The following KCNIP4 variants were observed in gnomAD, a reference collection of about 807,000 sequenced individuals.
The protein encoded by KCNIP4 is Kv channel-interacting protein 4.
A neutral mutation model predicts 34.0 loss-of-function variants in KCNIP4; 12 were observed. The observed-to-expected ratio is 0.35, with a 90% CI of 0.23 to 0.57. The LOEUF (loss-of-function observed/expected upper bound fraction) is 0.57, where lower values mean the gene tolerates loss of function less well. Ranked by LOEUF, KCNIP4 falls within the 20% of genes least tolerant of loss-of-function variation. The pLI, the probability that KCNIP4 is intolerant of heterozygous loss-of-function variation, is 0.83. For missense variants in KCNIP4, 238 were observed against 311.7 expected (o/e 0.76, Z 1.78); for synonymous variants, 124 against 102.2 (o/e 1.21, Z -1.29).
intron 1 of KCNIP4, among the ~76,000 whole-genome samples, chr4:21,317,546 A>G (rs1713903233): frequency 6.6e-6 from 1 of 152,214 alleles, no homozygotes; most frequent in African/African-American, 2.4e-5. Flanking sequence ...TATTATACAT[A>G]TAAGGTGACA....
intron 1 of KCNIP4, among the ~76,000 whole-genome samples, chr4:21,238,868 G>GAA (rs373765366): frequency 2.0e-5 from 3 of 151,826 alleles, no homozygotes; most frequent in Non-Finnish European, 4.4e-5. Context: ...CACAGAATTG[G>GAA]AAAAAAACTA....
chr4:21,664,441 A>G (rs1748687290), intron 1 of KCNIP4, among the ~76,000 whole-genome samples: 1 of 152,334 alleles, frequency 6.6e-6, no homozygotes, highest in Admixed American at 6.5e-5. Context: ...GAACCAGAGA[A>G]AGCAATTATT....
Position 21,059,028 on chromosome 4 carries a change from G to T in KCNIP4, c.62-176319C>A, listed in dbSNP as rs145770566. Among the ~76,000 whole-genome samples the T allele has an allele frequency of 3.1e-3, 472 of 152,164 alleles. 2 individuals carry two copies. Among genetic ancestry groups the T allele is most frequent in the African/African-American group, 0.011 (449 of 41,526 alleles). On this transcript the variant is annotated intron_variant, in intron 1 of 8. Coordinates refer to ENST00000382152, the MANE Select transcript of KCNIP4 (RefSeq NM_025221.6). ...GAAGGGGAATTCCCCTGCACACACT[G>T]TCTTGCCTGCTGCCATGTAAGACGT...
At chr4:21,375,316 A>G (rs1413200391) in intron 1 of KCNIP4, among the ~76,000 whole-genome samples, 2 of 152,248 alleles carry the variant, frequency 1.3e-5, no homozygotes, top group East Asian at 3.9e-4. Context: ...TGTAGAATAA[A>G]AACAGCCTGG....
At chr4:21,320,192 C>G (rs985871204) in intron 1 of KCNIP4, among the ~76,000 whole-genome samples, 3 of 152,222 alleles carry the variant, frequency 2.0e-5, no homozygotes, top group Admixed American at 6.5e-5. Flanking sequence ...ACAATTTCAT[C>G]TGATAAGCAA....
chr4:21,938,215 C>T (rs1311563415), intron 1 of KCNIP4, among the ~76,000 whole-genome samples: 4 of 152,096 alleles, frequency 2.6e-5, no homozygotes, highest in Non-Finnish European at 4.4e-5. Context: ...ACGACTATCC[C>T]ACTTGCGTAG....
At chr4:21,388,175 A>C (rs1342957763) in intron 1 of KCNIP4, among the ~76,000 whole-genome samples, 1 of 151,998 alleles carries the variant, frequency 6.6e-6, no homozygotes, top group Admixed American at 6.6e-5. Context: ...TAGCTGAGTA[A>C]ATTATAACGG....
intron 1 of KCNIP4, among the ~76,000 whole-genome samples, chr4:20,981,160 T>C (rs764578443): frequency 6.6e-6 from 1 of 152,170 alleles, no homozygotes; most frequent in Non-Finnish European, 1.5e-5. Context: ...TTCATCATGA[T>C]TGAATGTAAG....
At chr4:21,132,161 A>C (rs1455175015) in intron 1 of KCNIP4, among the ~76,000 whole-genome samples, 1 of 152,248 alleles carries the variant, frequency 6.6e-6, no homozygotes, top group Non-Finnish European at 1.5e-5. Flanking sequence ...TCTTCCATGC[A>C]AAATGTTTAT....
At chr4:21,370,572 C>T (rs1311224593) in intron 1 of KCNIP4, among the ~76,000 whole-genome samples, 1 of 143,254 alleles carries the variant, frequency 7.0e-6, no homozygotes, top group Non-Finnish European at 1.5e-5. Context: ...GCAGAGAAGA[C>T]ATCAAAGTAG....
At chr4:21,803,104 T>C (rs753301294) in intron 1 of KCNIP4, among the ~76,000 whole-genome samples, 15 of 152,140 alleles carry the variant, frequency 9.9e-5, no homozygotes, top group Admixed American at 4.6e-4. Flanking sequence ...ACAGACAAAG[T>C]GAATTTTAGT....
Position 21,519,567 on chromosome 4 carries a change from T to C in KCNIP4, c.61+429004A>G. 2.9e-5 allele frequency among the ~76,000 whole-genome samples: 2 copies of C among 69,366 alleles called. 1 individual carries two copies. Among genetic ancestry groups the C allele is most frequent in the South Asian group, 9.2e-4 (2 of 2,180 alleles). The allele number at this position is 69,366 out of a possible 152,430, so 45.5% of individuals were successfully genotyped here. On this transcript the variant is annotated intron_variant, in intron 1 of 8. Coordinates refer to ENST00000382152, the MANE Select transcript of KCNIP4 (RefSeq NM_025221.6). ...ATACACATATGTGTGTATGTGTATATATACACATATGTGTGTGTATGTATG... is the reference window on the plus strand; with the variant it reads ...ATACACATATGTGTGTATGTGTATACATACACATATGTGTGTGTATGTATG...
chr4:21,902,315 T>C (rs1727748578), intron 1 of KCNIP4, among the ~76,000 whole-genome samples: 1 of 152,180 alleles, frequency 6.6e-6, no homozygotes, highest in Admixed American at 6.6e-5. Context: ...CATAAAGTTA[T>C]CCTGGATATA....
chr4:21,899,982 A>T (rs1263609889), intron 1 of KCNIP4, among the ~76,000 whole-genome samples: 1 of 152,146 alleles, frequency 6.6e-6, no homozygotes, highest in African/African-American at 2.4e-5. Flanking sequence ...ATTAAAAAAA[A>T]AACTGGAGGA....
intron 1 of KCNIP4, among the ~76,000 whole-genome samples, chr4:21,896,233 C>T (rs2109411744): frequency 6.6e-6 from 1 of 152,256 alleles, no homozygotes; most frequent in Admixed American, 6.5e-5. Context: ...TCACCACTCT[C>T]TTAGAATGTA....
chr4:20,912,090 A>G (rs12641332), intron 1 of KCNIP4, among the ~76,000 whole-genome samples: 6,921 of 152,264 alleles, frequency 0.045, 351 homozygotes, highest in African/African-American at 0.13. Flanking sequence ...TAAGGCCTTC[A>G]TAATCTTGCA....
intron 1 of KCNIP4, among the ~76,000 whole-genome samples, chr4:21,356,619 G>T (rs920170391): frequency 5.9e-5 from 9 of 152,040 alleles, no homozygotes; most frequent in African/African-American, 2.2e-4. Flanking sequence ...GGGATGTGAA[G>T]GACCTCTTCA....
intron 1 of KCNIP4, among the ~76,000 whole-genome samples, chr4:21,493,150 T>C (rs906550711): frequency 6.6e-6 from 1 of 150,902 alleles, no homozygotes; most frequent in African/African-American, 2.4e-5. Context: ...CATGGGGCCA[T>C]CTGTAGTGCA....
At chr4:21,827,209 A>G (rs994587255) in intron 1 of KCNIP4, among the ~76,000 whole-genome samples, 5 of 152,082 alleles carry the variant, frequency 3.3e-5, no homozygotes, top group South Asian at 2.1e-4. Context: ...ATAGGTGCTC[A>G]GCTATAAAAA....
Sources: allele counts gnomAD v4.1 joint callset (sites outside exome capture counted in the v4.1 genomes callset), GRCh38; gene constraint gnomAD v4.1.1; transcripts MANE v1.5; gene names NCBI Gene and HGNC (gene_info 2026-07-23, HGNC 2026-07-21).